Variants in ROBO1 observed in about 807,000 individuals in gnomAD.
ROBO1 encodes the protein roundabout homolog 1.
A neutral mutation model predicts 195.9 loss-of-function variants in ROBO1; 149 were observed. The observed-to-expected ratio is 0.76, with a 90% CI of 0.67 to 0.87. The LOEUF (loss-of-function observed/expected upper bound fraction) is 0.87, where lower values mean the gene tolerates loss of function less well. Among genes scored for constraint, ROBO1 ranks in the 40% least tolerant of loss-of-function variants. The probability of loss-of-function intolerance (pLI) is 0.00; values close to 1 mark genes in which losing one functional copy is unlikely to be tolerated. For synonymous variants in ROBO1, 816 were observed against 733.2 expected, an observed-to-expected ratio of 1.11 and a Z score of -1.82; for missense variants, 1,933 against 2,068.3, an observed-to-expected ratio of 0.93 and a Z score of 1.27.
chr3:79,222,887 T>C (rs979549484), intron 2 of ROBO1, among the ~76,000 whole-genome samples: 1 of 152,118 alleles, frequency 6.6e-6, no homozygotes, highest in Non-Finnish European at 1.5e-5. Context: ...TTAGACCAGA[T>C]AGGATTTTCT....
chr3:78,785,467 G>A (rs1239739298), intron 4 of ROBO1, among the ~76,000 whole-genome samples: 1 of 151,992 alleles, frequency 6.6e-6, no homozygotes, highest in Admixed American at 6.6e-5. Flanking sequence ...TAAACTGTAG[G>A]CTGCTTATTT....
intron 3 of ROBO1, among the ~76,000 whole-genome samples, chr3:78,976,467 C>G (rs1229664941): frequency 6.6e-6 from 1 of 152,154 alleles, no homozygotes; most frequent in East Asian, 1.9e-4. Context: ...AGGATTCCAG[C>G]CTTCTGTCTG....
chr3:79,033,239 T>A (rs1239716021), intron 3 of ROBO1, among the ~76,000 whole-genome samples: 1 of 152,134 alleles, frequency 6.6e-6, no homozygotes, highest in Non-Finnish European at 1.5e-5. Context: ...TATGGTCCAA[T>A]TGTTGGCACA....
At chr3:78,897,717 C>T (rs1224139479) in intron 4 of ROBO1, among the ~76,000 whole-genome samples, 1 of 151,950 alleles carries the variant, frequency 6.6e-6, no homozygotes, top group African/African-American at 2.4e-5. Flanking sequence ...TATAACATTA[C>T]TTTTCAATGC....
At chr3:78,998,838 T>C (rs1187876108) in intron 3 of ROBO1, among the ~76,000 whole-genome samples, 2 of 152,088 alleles carry the variant, frequency 1.3e-5, no homozygotes, top group Non-Finnish European at 1.5e-5. Flanking sequence ...CCACCCTATT[T>C]TGGATAGGCA....
chr3:79,093,637 A>T (rs1210667038), intron 3 of ROBO1, among the ~76,000 whole-genome samples: 3 of 152,092 alleles, frequency 2.0e-5, no homozygotes, highest in African/African-American at 4.8e-5. Context: ...TGTCAGGATG[A>T]CATCCCTGGT....
intron 2 of ROBO1, among the ~76,000 whole-genome samples, chr3:79,138,091 A>G (rs978531449): frequency 1.3e-5 from 2 of 152,238 alleles, no homozygotes; most frequent in East Asian, 3.9e-4. Flanking sequence ...GTTTTAAAAT[A>G]TATTGATTTG....
chr3:78,717,784 C>A lies in ROBO1; in HGVS notation c.757G>T (p.Val253Leu). ...TNMVGERESE[V>L]AELTVLERPS... ...TTACCTAAGACAGTCAGCTCGGCTA[C>A]TTCACTCTCACGTTCCCCAACCATA... Residue 253 changes from valine (V) to leucine (L), a missense_variant, in exon 6 of 31, where the codon GTA becomes TTA. Coordinates refer to ENST00000464233, the MANE Select transcript of ROBO1 (RefSeq NM_002941.4). The A allele has an allele frequency of 6.2e-7, 1 of 1,613,636 alleles. No homozygotes were observed. Among genetic ancestry groups the A allele is most frequent in the South Asian group, 1.1e-5 (1 of 91,048 alleles).
rs767626148 is a variant in ROBO1, at chr3:79,482,352, G to T, written c.88+107472C>A. 5.2e-4 allele frequency among the ~76,000 whole-genome samples: 79 copies of T among 152,234 alleles called. 1 individual carries two copies. Among genetic ancestry groups the T allele is most frequent in the Middle Eastern group, 3.4e-3 (1 of 294 alleles). On this transcript the variant is annotated intron_variant, in intron 2 of 30. Coordinates refer to ENST00000464233, the MANE Select transcript of ROBO1 (RefSeq NM_002941.4). ...CATAATTCCTATGTCTTGTGGGAGG[G>T]ATCTGGTGGGAGATAATTGAATAAT...
intron 3 of ROBO1, among the ~76,000 whole-genome samples, chr3:79,048,732 C>T (rs139851064): frequency 7.0e-4 from 107 of 152,168 alleles, no homozygotes; most frequent in African/African-American, 2.3e-3. Flanking sequence ...TAGCAGCCTC[C>T]GCTGTTGAAA....
At chr3:78,711,444 C>CTTCTTTCTTTCTTTCT (rs2081739627) in intron 8 of ROBO1, among the ~76,000 whole-genome samples, 2 of 61,730 alleles carry the variant, frequency 3.2e-5, no homozygotes, top group Non-Finnish European at 6.5e-5. Flanking sequence ...TCTTTCTTTC[C>CTTCTTTCTTTCTTTCT]TTCCTTCCTT....
At chr3:78,871,617 TA>T (rs2035550256) in intron 4 of ROBO1, among the ~76,000 whole-genome samples, 1 of 152,032 alleles carries the variant, frequency 6.6e-6, no homozygotes. Flanking sequence ...GTATTATACT[TA>T]TATTTTTCTA....
At chr3:79,049,830 C>G (rs1258021551) in intron 3 of ROBO1, among the ~76,000 whole-genome samples, 1 of 152,242 alleles carries the variant, frequency 6.6e-6, no homozygotes, top group Non-Finnish European at 1.5e-5. Flanking sequence ...AAATACTTTA[C>G]AGACAAGCAA....
intron 1 of ROBO1, among the ~76,000 whole-genome samples, chr3:79,612,191 C>T (rs956857644): frequency 8.7e-5 from 13 of 148,872 alleles, no homozygotes; most frequent in African/African-American, 3.2e-4. Context: ...CCCACCACCC[C>T]ACAACAGTCC....
intron 2 of ROBO1, among the ~76,000 whole-genome samples, chr3:79,588,166 A>G (rs1004223400): frequency 6.6e-6 from 1 of 151,914 alleles, no homozygotes; most frequent in South Asian, 2.1e-4. Flanking sequence ...TATACTGTAG[A>G]TTTACAAGTA....
chr3:79,477,991 T>G (rs778061139), intron 2 of ROBO1, among the ~76,000 whole-genome samples: 1 of 152,188 alleles, frequency 6.6e-6, no homozygotes, highest in Non-Finnish European at 1.5e-5. Context: ...TAATTAAGTC[T>G]AATTTTAAAG....
At chr3:79,171,906 C>T (rs2081174177) in intron 2 of ROBO1, among the ~76,000 whole-genome samples, 1 of 152,000 alleles carries the variant, frequency 6.6e-6, no homozygotes, top group Admixed American at 6.6e-5. Flanking sequence ...ATACTAAACA[C>T]ACACAAACAG....
intron 2 of ROBO1, among the ~76,000 whole-genome samples, chr3:79,401,910 C>T (rs1559873269): frequency 6.6e-6 from 1 of 151,822 alleles, no homozygotes; most frequent in African/African-American, 2.4e-5. Flanking sequence ...TTTAAGTGCT[C>T]TTTCAAGTTA....
chr3:79,672,004 C>T (rs1658617309), intron 1 of ROBO1, among the ~76,000 whole-genome samples: 1 of 151,914 alleles, frequency 6.6e-6, no homozygotes, highest in Non-Finnish European at 1.5e-5. Flanking sequence ...GTTTCTTCTG[C>T]ACAGGTTTTC....
Sources: allele counts gnomAD v4.1 joint callset (sites outside exome capture counted in the v4.1 genomes callset), GRCh38; gene constraint gnomAD v4.1.1; transcripts MANE v1.5; gene names NCBI Gene and HGNC (gene_info 2026-07-23, HGNC 2026-07-21).